Variants in ROCK2 observed in about 807,000 individuals in gnomAD.
ROCK2 encodes the protein rho-associated protein kinase 2.
Under a neutral mutation model 195.1 loss-of-function variants are expected in ROCK2, and 61 were observed. The observed-to-expected ratio is 0.31, with a 90% CI of 0.25 to 0.39. ROCK2 has a LOEUF of 0.39. ROCK2 is among the 10% of genes least tolerant of loss of function. The pLI is 1.00. For missense variants in ROCK2, 1,109 were observed against 1,637.4 expected (o/e 0.68, Z 5.57); for synonymous variants, 504 against 545.5 (o/e 0.92, Z 1.06).
intron 3 of ROCK2, among the ~76,000 whole-genome samples, chr2:11,262,601 T>G (rs527547556): frequency 6.6e-6 from 1 of 152,166 alleles, no homozygotes; most frequent in Admixed American, 6.5e-5. Flanking sequence ...GGGGGAGTTT[T>G]CCTGCACAAG....
intron 32 of ROCK2, among the ~76,000 whole-genome samples, chr2:11,187,997 A>G (rs547084384): frequency 2.6e-4 from 40 of 152,240 alleles, no homozygotes; most frequent in African/African-American, 9.6e-4. Flanking sequence ...AGCATTTGTT[A>G]CATTTTTGCT....
intron 1 of ROCK2, among the ~76,000 whole-genome samples, chr2:11,312,145 T>G (rs1489722352): frequency 6.6e-6 from 1 of 152,184 alleles, no homozygotes; most frequent in Non-Finnish European, 1.5e-5. Flanking sequence ...ACTACATAGG[T>G]GAAATTAAAT....
intron 3 of ROCK2, among the ~76,000 whole-genome samples, chr2:11,253,974 C>T (rs909770861): frequency 1.3e-5 from 2 of 152,156 alleles, no homozygotes; most frequent in Non-Finnish European, 2.9e-5. Flanking sequence ...TAAAATGCTA[C>T]GCCTCTTTAA....
chr2:11,217,749 C>T (rs1664484268), intron 11 of ROCK2: 1 of 153,472 alleles, frequency 6.5e-6, no homozygotes, highest in African/African-American at 2.4e-5. Context: ...AGTCTTTAAA[C>T]AAGCAAAAAT....
At chr2:11,339,857 C>T (rs1337934188) in intron 1 of ROCK2, among the ~76,000 whole-genome samples, 1 of 152,050 alleles carries the variant, frequency 6.6e-6, no homozygotes, top group East Asian at 1.9e-4. Context: ...CCAGCAGCGG[C>T]GACGGCACAC....
chr2:11,180,189 G>GT lies in ROCK2; in HGVS notation c.*3247dup, dbSNP rs1043801735. On this transcript the variant is annotated 3_prime_UTR_variant, in exon 33 of 33. Transcript: ENST00000315872. Reference sequence around the variant, plus strand: ...AGATTTTAGACACGATTTAAAGCATGTTTCAGTAAGGTTAATATAGTGTCC... The same window carrying GT: ...AGATTTTAGACACGATTTAAAGCATGTTTTCAGTAAGGTTAATATAGTGTCC... 3 of 152,200 alleles carry GT rather than the reference G, an allele frequency of 2.0e-5. No homozygotes were observed. The highest frequency in any genetic ancestry group is 4.4e-5 in the Non-Finnish European group (3 of 68,040). 9.4% of individuals were successfully genotyped at this position (152,200 alleles called of 1,614,324 possible).
intron 1 of ROCK2, among the ~76,000 whole-genome samples, chr2:11,339,924 T>C (rs1017037268): frequency 6.6e-6 from 1 of 152,246 alleles, no homozygotes; most frequent in Non-Finnish European, 1.5e-5. Context: ...ATTTCATGAA[T>C]ATGTTTTTAC....
chr2:11,317,123 C>T (rs1668218116), intron 1 of ROCK2, among the ~76,000 whole-genome samples: 1 of 152,192 alleles, frequency 6.6e-6, no homozygotes, highest in South Asian at 2.1e-4. Context: ...GAAAGCTTAA[C>T]TTTTCCTGCG....
At chr2:11,231,246 C>T (rs895752259) in intron 5 of ROCK2, among the ~76,000 whole-genome samples, 1 of 151,604 alleles carries the variant, frequency 6.6e-6, no homozygotes, top group Non-Finnish European at 1.5e-5. Context: ...CTTTGTCACC[C>T]AGGCTGGAGC....
chr2:11,279,394 G>A (rs1005305696), intron 3 of ROCK2, among the ~76,000 whole-genome samples: 7 of 152,086 alleles, frequency 4.6e-5, no homozygotes, highest in South Asian at 2.1e-4. Flanking sequence ...AATTTCAGAC[G>A]AGCAAACTTC....
intron 1 of ROCK2, among the ~76,000 whole-genome samples, chr2:11,330,734 TG>T (rs1668692689): frequency 5.4e-5 from 1 of 18,372 alleles, no homozygotes; most frequent in East Asian, 5.8e-3. Flanking sequence ...GGAGGGAAGA[TG>T]AGGAGGGAGG....
intron 5 of ROCK2, among the ~76,000 whole-genome samples, chr2:11,233,736 A>T (rs1255155303): frequency 6.6e-6 from 1 of 152,244 alleles, no homozygotes; most frequent in Non-Finnish European, 1.5e-5. Context: ...AATGACATCT[A>T]TATCAAGATA....
rs774700263 is a variant in ROCK2, at chr2:11,214,400, A to T, written c.2000T>A (p.Leu667Gln). 1 of 1,610,116 alleles carries T rather than the reference A, an allele frequency of 6.2e-7. No homozygotes were observed. The highest frequency in any genetic ancestry group is 8.5e-7 in the Non-Finnish European group (1 of 1,176,996). The part of the protein sequence containing the change: ...NGKILLAKVE[L>Q]EKRQLQERFT... ...TCTCTCCTGAAGTTGTCTCTTCTCCAGTTCTACTTTCGCTAGTAAGATTTT... is the reference window on the plus strand; with the variant it reads ...TCTCTCCTGAAGTTGTCTCTTCTCCTGTTCTACTTTCGCTAGTAAGATTTT... Residue 667 changes from leucine to glutamine, a missense_variant, in exon 17 of 33, where the codon CTG becomes CAG. Physicochemically the swap from Leu to Gln is moderately radical, Grantham distance 113. Transcript: ENST00000315872.
In ROCK2 at chr2:11,222,028, A is replaced by T. The variant is rs974849371; in HGVS notation, c.1099+55T>A. On this transcript the variant is annotated intron_variant, in intron 8 of 32. Transcript: ENST00000315872. ...TGCTTGTTATTTCAAAAAAGGAATC[A>T]ACTTATGAGTTTCAGAATGTGATGG... The T allele has an allele frequency of 2.9e-4, 295 of 1,006,166 alleles. 1 individual carries two copies. The highest frequency in any genetic ancestry group is 2.7e-3 in the Middle Eastern group (13 of 4,748). The allele number at this position is 1,006,166 out of a possible 1,614,324, so 62.3% of individuals were successfully genotyped here.
chr2:11,245,543 G>A (rs1665582711), intron 4 of ROCK2, among the ~76,000 whole-genome samples: 1 of 152,150 alleles, frequency 6.6e-6, no homozygotes, highest in Admixed American at 6.6e-5. Context: ...CAATCAAAAT[G>A]TCAAATGTGC....
rs1376985340 is a variant in ROCK2, at chr2:11,235,362, C to T, written c.723+340G>A. ...GAAGTAACAATGGTGGTGAAAATAC[C>T]TATTTACCTTAATTTAGATTTTGTG... is the stretch of plus-strand genomic sequence containing the variant. On this transcript the variant is annotated intron_variant, in intron 5 of 32. Coordinates refer to ENST00000315872, the MANE Select transcript of ROCK2 (RefSeq NM_004850.5). This position sits in a 1 kb window ranked among gnomAD's most constrained non-coding sequence, Gnocchi z 4.2. 1.3e-5 allele frequency among the ~76,000 whole-genome samples: 2 copies of T among 152,050 alleles called. No homozygotes were observed. Among genetic ancestry groups the T allele is most frequent in the East Asian group, 3.8e-4 (2 of 5,202 alleles).
At chr2:11,291,080 G>A (rs975645704) in intron 1 of ROCK2, among the ~76,000 whole-genome samples, 1 of 152,132 alleles carries the variant, frequency 6.6e-6, no homozygotes, top group Non-Finnish European at 1.5e-5. Flanking sequence ...AAAAAAACAT[G>A]TATAAGCCAA....
At chr2:11,220,318 T>C (rs1337568954) in intron 9 of ROCK2, among the ~76,000 whole-genome samples, 4 of 152,142 alleles carry the variant, frequency 2.6e-5, no homozygotes, top group African/African-American at 9.6e-5. Flanking sequence ...TACCCGGCTT[T>C]TTTTTTCTTT....
At chr2:11,337,510 T>C (rs1668967330) in intron 1 of ROCK2, among the ~76,000 whole-genome samples, 1 of 152,054 alleles carries the variant, frequency 6.6e-6, no homozygotes, top group African/African-American at 2.4e-5. Context: ...GAAATGCAAA[T>C]CATGCAAATC....
Sources: allele counts gnomAD v4.1 joint callset (sites outside exome capture counted in the v4.1 genomes callset), GRCh38; gene constraint gnomAD v4.1.1; non-coding constraint Gnocchi (gnomAD v3.1); transcripts MANE v1.5; gene names NCBI Gene and HGNC (gene_info 2026-07-23, HGNC 2026-07-21).